Variants in KIF6 observed in about 807,000 individuals in gnomAD.
KIF6 encodes the protein kinesin family member 6.
A neutral mutation model predicts 112.7 loss-of-function variants in KIF6; 106 were observed. The observed-to-expected ratio is 0.94, with a 90% CI of 0.80 to 1.11. The LOEUF (loss-of-function observed/expected upper bound fraction) is 1.11. KIF6 is among the 50% of genes least tolerant of loss of function. The pLI is 0.00. For synonymous variants in KIF6, 339 were observed against 339.9 expected (o/e 1.00, Z 0.03); for missense variants, 929 against 964.0 (o/e 0.96, Z 0.48).
chr6:39,696,497 A>G (rs1788547235), intron 3 of KIF6, among the ~76,000 whole-genome samples: 2 of 152,116 alleles, frequency 1.3e-5, no homozygotes, highest in Admixed American at 1.3e-4. Flanking sequence ...AGCTGCCAAT[A>G]CAGCCTTGGA....
chr6:39,337,205 TTCTTTC>T (rs1562102732), intron 22 of KIF6, among the ~76,000 whole-genome samples: 10 of 114,636 alleles, frequency 8.7e-5, no homozygotes, highest in African/African-American at 4.5e-4. Context: ...CTTTCTTTCT[TTCTTTC>T]TTTCTTTCTT....
chr6:39,587,511 A>ATC (rs984124902), intron 7 of KIF6, among the ~76,000 whole-genome samples: 1 of 151,910 alleles, frequency 6.6e-6, no homozygotes, highest in South Asian at 2.1e-4. Context: ...TCATCCTGTG[A>ATC]TCTCTCTCTC....
At chr6:39,346,862 T>C (rs1451096460) in intron 19 of KIF6, among the ~76,000 whole-genome samples, 1 of 152,182 alleles carries the variant, frequency 6.6e-6, no homozygotes, top group African/African-American at 2.4e-5. Context: ...TTGGCCAGGC[T>C]GGTCTTGAAC....
chr6:39,340,970 A>G (rs1763296385), intron 22 of KIF6, among the ~76,000 whole-genome samples: 1 of 152,072 alleles, frequency 6.6e-6, no homozygotes, highest in Admixed American at 6.5e-5. Flanking sequence ...TGCCCCACAC[A>G]CTGTCCCCTC....
intron 3 of KIF6, among the ~76,000 whole-genome samples, chr6:39,678,247 T>C (rs1215250444): frequency 1.3e-5 from 2 of 151,996 alleles, no homozygotes; most frequent in Non-Finnish European, 2.9e-5. Context: ...AGTGTGGCGA[T>C]TCCTCAGGGA....
intron 19 of KIF6, among the ~76,000 whole-genome samples, chr6:39,349,526 G>A (rs778392095): frequency 2.6e-5 from 4 of 151,886 alleles, no homozygotes; most frequent in Non-Finnish European, 5.9e-5. Context: ...GAGAAGAGGC[G>A]AGTGGAGGAG....
In KIF6 at chr6:39,719,255, G is replaced by A. The variant is rs193232605; in HGVS notation, c.176+1447C>T. 4.4e-4 allele frequency among the ~76,000 whole-genome samples: 67 copies of A among 152,154 alleles called. 1 individual carries two copies. The East Asian group carries it at 0.011, about 26-fold the overall frequency. On this transcript the variant is annotated intron_variant, in intron 2 of 22. Coordinates refer to ENST00000287152, the MANE Select transcript of KIF6 (RefSeq NM_145027.6). The stretch of plus-strand genomic sequence containing the variant: ...AATCGCTTGAACCCGGGAGGCGGAA[G>A]TTGTAGTGAGCCAAGACTGCGCCAT...
intron 3 of KIF6, among the ~76,000 whole-genome samples, chr6:39,683,814 T>C (rs1330935769): frequency 6.6e-6 from 1 of 152,124 alleles, no homozygotes; most frequent in Non-Finnish European, 1.5e-5. Flanking sequence ...GAATTAGATG[T>C]ACAAGAGAGA....
chr6:39,449,277 T>G (rs559709187), intron 13 of KIF6, among the ~76,000 whole-genome samples: 4 of 152,224 alleles, frequency 2.6e-5, no homozygotes, highest in African/African-American at 7.2e-5. Flanking sequence ...CAAACCTGAA[T>G]ATACCCCAAC....
At chr6:39,560,804 C>T (rs1368901023) in intron 10 of KIF6, among the ~76,000 whole-genome samples, 4 of 152,132 alleles carry the variant, frequency 2.6e-5, no homozygotes, top group Admixed American at 6.5e-5. Context: ...TAAGTAAGTA[C>T]CTTTTCTGTG....
intron 16 of KIF6, among the ~76,000 whole-genome samples, chr6:39,382,557 A>G (rs554476902): frequency 6.6e-5 from 10 of 152,162 alleles, no homozygotes; most frequent in Admixed American, 2.0e-4. Context: ...TCTTTATCCA[A>G]TCTGCCATTG....
In KIF6 at chr6:39,382,489, G is replaced by T. The variant is rs1767038038; in HGVS notation, c.1861+3133C>A. Among the ~76,000 whole-genome samples the T allele has an allele frequency of 2.0e-5, 3 of 152,092 alleles. No individual in the cohort carries two copies. In the South Asian group the frequency reaches 6.2e-4, roughly 32 times the overall value. On this transcript the variant is annotated intron_variant, in intron 16 of 22. Coordinates refer to ENST00000287152, the MANE Select transcript of KIF6 (RefSeq NM_145027.6). ...GCAGCTGTATTCATGTTGCCGCAAAGGATGTGATTTTGTTTTTTTTTATGG... is the reference window on the plus strand; with the variant it reads ...GCAGCTGTATTCATGTTGCCGCAAATGATGTGATTTTGTTTTTTTTTATGG...
At chr6:39,606,547 C>T (rs1782900713) in intron 6 of KIF6, among the ~76,000 whole-genome samples, 1 of 152,088 alleles carries the variant, frequency 6.6e-6, no homozygotes, top group African/African-American at 2.4e-5. Flanking sequence ...GGTTTACATC[C>T]TGAATACTTT....
intron 13 of KIF6, among the ~76,000 whole-genome samples, chr6:39,433,666 A>G (rs1771318127): frequency 6.6e-6 from 1 of 152,186 alleles, no homozygotes; most frequent in South Asian, 2.1e-4. Flanking sequence ...TGTTTTCCCA[A>G]ATGTCCACTC....
At chr6:39,387,666 G>T (rs1186212120) in intron 15 of KIF6, among the ~76,000 whole-genome samples, 2 of 152,238 alleles carry the variant, frequency 1.3e-5, no homozygotes, top group African/African-American at 2.4e-5. Flanking sequence ...ACCTGAGCCA[G>T]CCACAGCCCC....
chr6:39,343,299 A>T lies in KIF6; in HGVS notation c.2428+410T>A, dbSNP rs745493437. 6.9e-5 allele frequency: 89 copies of T among 1,292,434 alleles called. No individual in the cohort carries two copies. In the South Asian group the frequency reaches 1.0e-3, roughly 15 times the overall value. The allele number at this position is 1,292,434 out of a possible 1,614,324, so 80.1% of individuals were successfully genotyped here. On this transcript the variant is annotated intron_variant, in intron 22 of 22. Transcript: ENST00000287152. The surrounding 1 kb of genome is among the most constrained non-coding windows in gnomAD (Gnocchi z 4.1). ...CACTCACAGCTCTTTGGCAAGAACCACACTCTGATAGGGGAGTGAGACTTT... is the reference window on the plus strand; with the variant it reads ...CACTCACAGCTCTTTGGCAAGAACCTCACTCTGATAGGGGAGTGAGACTTT...
At chr6:39,379,741 A>G (rs1169948820) in intron 16 of KIF6, among the ~76,000 whole-genome samples, 1 of 151,918 alleles carries the variant, frequency 6.6e-6, no homozygotes, top group African/African-American at 2.4e-5. Context: ...TAGATTGGAA[A>G]CTCTTTGAGG....
At chr6:39,588,826 G>A (rs1781776875) in intron 7 of KIF6, among the ~76,000 whole-genome samples, 1 of 152,100 alleles carries the variant, frequency 6.6e-6, no homozygotes, top group Admixed American at 6.5e-5. Flanking sequence ...GCCAAGAATT[G>A]GACCACTTCT....
At chr6:39,389,987 C>T (rs976709611) in intron 15 of KIF6, among the ~76,000 whole-genome samples, 4 of 146,666 alleles carry the variant, frequency 2.7e-5, no homozygotes, top group African/African-American at 7.7e-5. Context: ...GCCAAGATCG[C>T]GCCGCTGCAC....
Sources: allele counts gnomAD v4.1 joint callset (sites outside exome capture counted in the v4.1 genomes callset), GRCh38; gene constraint gnomAD v4.1.1; non-coding constraint Gnocchi (gnomAD v3.1); transcripts MANE v1.5; gene names NCBI Gene and HGNC (gene_info 2026-07-23, HGNC 2026-07-21).